Variants in EPB41L4B observed in about 807,000 individuals in gnomAD.
The protein encoded by EPB41L4B is band 4.1-like protein 4B.
Under a neutral mutation model 112.5 loss-of-function variants are expected in EPB41L4B, and 30 were observed. The ratio of observed to expected loss-of-function variants is 0.27; its 90% CI spans 0.20 to 0.36. The LOEUF is 0.36. Ranked by LOEUF, EPB41L4B falls within the 10% of genes least tolerant of loss-of-function variation. The probability of loss-of-function intolerance (pLI) is 1.00; values close to 1 mark genes in which losing one functional copy is unlikely to be tolerated. For missense variants in EPB41L4B, 1,024 were observed against 1,133.3 expected (o/e 0.90, Z 1.38); for synonymous variants, 408 against 439.7 (o/e 0.93, Z 0.90).
At chr9:109,197,778 C>T (rs1832691641) in intron 20 of EPB41L4B, among the ~76,000 whole-genome samples, 1 of 150,206 alleles carries the variant, frequency 6.7e-6, no homozygotes, top group African/African-American at 2.5e-5. Context: ...CGAGATTGTG[C>T]CACTGCACTC....
chr9:109,308,396 C>T (rs192255347), intron 1 of EPB41L4B, among the ~76,000 whole-genome samples: 5 of 152,056 alleles, frequency 3.3e-5, no homozygotes, highest in South Asian at 2.1e-4. Context: ...CAACAAAACT[C>T]GGAAAGTAAC....
intron 14 of EPB41L4B, among the ~76,000 whole-genome samples, chr9:109,244,927 C>T (rs1172003167): frequency 1.3e-5 from 2 of 152,192 alleles, no homozygotes; most frequent in South Asian, 2.1e-4. Flanking sequence ...CAGTTCTGTT[C>T]GTTCCATTTT....
chr9:109,257,901 A>G (rs1233860413), intron 7 of EPB41L4B, among the ~76,000 whole-genome samples: 1 of 152,192 alleles, frequency 6.6e-6, no homozygotes, highest in East Asian at 1.9e-4. Context: ...AGGCTGAGGC[A>G]GGAGGATTGC....
chr9:109,281,339 C>G (rs1404569518), intron 1 of EPB41L4B, among the ~76,000 whole-genome samples: 1 of 152,172 alleles, frequency 6.6e-6, no homozygotes, highest in Non-Finnish European at 1.5e-5. Context: ...AGATGCTCAG[C>G]ATCACTAGTC....
chr9:109,316,729 T>C (rs1157162355), intron 1 of EPB41L4B, among the ~76,000 whole-genome samples: 1 of 152,182 alleles, frequency 6.6e-6, no homozygotes, highest in Non-Finnish European at 1.5e-5. Context: ...ATGTTATAGA[T>C]TTTTTTAAAA....
At chr9:109,182,927 G>A (rs138980434) in intron 23 of EPB41L4B, 130 bp from the exon 24 acceptor site, 1 of 671,660 alleles carries the variant, frequency 1.5e-6, no homozygotes, top group Non-Finnish European at 2.7e-6. Context: ...CATCACTCGT[G>A]TAAGGGCACA....
chr9:109,213,358 C>T (rs1740621419), intron 17 of EPB41L4B, among the ~76,000 whole-genome samples: 1 of 152,138 alleles, frequency 6.6e-6, no homozygotes, highest in Non-Finnish European at 1.5e-5. Flanking sequence ...TACAATGTGC[C>T]AGGCATTGTC....
intron 1 of EPB41L4B, among the ~76,000 whole-genome samples, chr9:109,299,439 C>A (rs1480409621): frequency 6.6e-6 from 1 of 152,116 alleles, no homozygotes; most frequent in Non-Finnish European, 1.5e-5. Context: ...CCATGCCTAG[C>A]TGATTTTTTT....
chr9:109,233,284 C>T (rs995742763), intron 15 of EPB41L4B, among the ~76,000 whole-genome samples: 25 of 152,198 alleles, frequency 1.6e-4, no homozygotes, highest in African/African-American at 5.8e-4. Context: ...TATATTGAAA[C>T]TTTAATTGTA....
At chr9:109,175,528 C>A (rs1831794616) in intron 25 of EPB41L4B, among the ~76,000 whole-genome samples, 1 of 133,954 alleles carries the variant, frequency 7.5e-6, no homozygotes, top group African/African-American at 2.7e-5. Context: ...AAATACACAT[C>A]TTTTCATTGT....
At chr9:109,315,751 ATG>A (rs2119287027) in intron 1 of EPB41L4B, among the ~76,000 whole-genome samples, 1 of 152,288 alleles carries the variant, frequency 6.6e-6, no homozygotes, top group South Asian at 2.1e-4. Flanking sequence ...CATGTATGTT[ATG>A]TGAGATCAGA....
intron 20 of EPB41L4B, among the ~76,000 whole-genome samples, chr9:109,194,623 T>TTTTGG (rs60973904): frequency 0.1 from 15,607 of 152,162 alleles, 1,383 homozygotes; most frequent in African/African-American, 0.24. Context: ...TTTTGTTTTG[T>TTTTGG]TGGTAAAATA....
At chr9:109,319,581 C>G (rs1478367786) in intron 1 of EPB41L4B, among the ~76,000 whole-genome samples, 1 of 152,242 alleles carries the variant, frequency 6.6e-6, no homozygotes, top group Non-Finnish European at 1.5e-5. Flanking sequence ...AAGGGATCAG[C>G]AGAGAGCAGA....
intron 17 of EPB41L4B, among the ~76,000 whole-genome samples, chr9:109,208,903 T>C (rs1833068734): frequency 6.6e-6 from 1 of 152,182 alleles, no homozygotes; most frequent in Admixed American, 6.5e-5. Context: ...CGGCACATAG[T>C]AGATGTCCAA....
In EPB41L4B at chr9:109,174,524, T is replaced by G. The variant is rs1831741156; in HGVS notation, c.*30A>C. On this transcript the variant is annotated 3_prime_UTR_variant, in exon 26 of 26. Coordinates refer to ENST00000374566, the MANE Select transcript of EPB41L4B (RefSeq NM_019114.5). Reference sequence around the variant, plus strand: ...GAAAGAAGACGGACAGAAGGCACCATGCCATCTTCCAGGTGACAAGGGGAG... The same window carrying G: ...GAAAGAAGACGGACAGAAGGCACCAGGCCATCTTCCAGGTGACAAGGGGAG... The G allele has an allele frequency of 6.3e-7, 1 of 1,593,116 alleles. No homozygotes were observed. Among genetic ancestry groups the G allele is most frequent in the Non-Finnish European group, 8.6e-7 (1 of 1,160,808 alleles).
At chr9:109,180,337 T>G (rs2118602591) in intron 24 of EPB41L4B, among the ~76,000 whole-genome samples, 3 of 152,346 alleles carry the variant, frequency 2.0e-5, no homozygotes, top group Admixed American at 2.0e-4. Flanking sequence ...CTCACAGCAC[T>G]GCCAAGGCTG....
intron 14 of EPB41L4B, among the ~76,000 whole-genome samples, chr9:109,245,427 C>CT (rs1834516997): frequency 6.6e-6 from 1 of 152,238 alleles, no homozygotes; most frequent in South Asian, 2.1e-4. Flanking sequence ...ACATTCTCAA[C>CT]TGTCAAGGAG....
chr9:109,253,559 T>C lies in EPB41L4B; in HGVS notation c.1170-9A>G. Reference sequence around the variant, plus strand: ...GATATTCTGTCCGCCCACTGGGAAGTAAATATTTTCTCGTGTGTTATCAAT... The same window carrying C: ...GATATTCTGTCCGCCCACTGGGAAGCAAATATTTTCTCGTGTGTTATCAAT... On this transcript the variant is annotated splice_polypyrimidine_tract_variant and intron_variant, in intron 11 of 25. Transcript: ENST00000374566. 6.4e-7 allele frequency: 1 copy of C among 1,571,614 alleles called. No homozygotes were observed. The highest frequency in any genetic ancestry group is 1.3e-5 in the African/African-American group (1 of 74,118).
chr9:109,269,512 C>T (rs1286256306), intron 2 of EPB41L4B, among the ~76,000 whole-genome samples: 1 of 152,232 alleles, frequency 6.6e-6, no homozygotes, highest in African/African-American at 2.4e-5. Flanking sequence ...ACATCAGCTC[C>T]TGGAGGCCAG....
Sources: allele counts gnomAD v4.1 joint callset (sites outside exome capture counted in the v4.1 genomes callset), GRCh38; gene constraint gnomAD v4.1.1; transcripts MANE v1.5; gene names NCBI Gene and HGNC (gene_info 2026-07-23, HGNC 2026-07-21).